The following TRPM5 variants were observed in gnomAD, a reference collection of about 807,000 sequenced individuals.
TRPM5 encodes the protein transient receptor potential cation channel subfamily M member 5.
Under a neutral mutation model 124.9 loss-of-function variants are expected in TRPM5, and 121 were observed. The ratio of observed to expected loss-of-function variants is 0.97; its 90% confidence interval spans 0.84 to 1.13. The LOEUF (loss-of-function observed/expected upper bound fraction) is 1.13, where lower values mean the gene tolerates loss of function less well. TRPM5 is among the 50% of genes most tolerant of loss of function. TRPM5 has a pLI of 0.00. For missense variants in TRPM5, 1,643 were observed against 1,589.1 expected, an observed-to-expected ratio of 1.03 and a Z score of -0.58; for synonymous variants, 781 against 700.5, an observed-to-expected ratio of 1.11 and a Z score of -1.81.
At chr11:2,444,117 C>T in the TRPM5 span, among the ~76,000 whole-genome samples, 1 of 152,150 alleles carries the variant, frequency 6.6e-6, no homozygotes. Flanking sequence ...CCCAGCAGCC[C>T]TGCCGGCTCC....
At chr11:2,431,621 A>G in the TRPM5 span, among the ~76,000 whole-genome samples, 4 of 152,030 alleles carry the variant, frequency 2.6e-5, no homozygotes, top group Non-Finnish European at 5.9e-5. Context: ...TACCCTGACA[A>G]TAAAACCCAA....
intron 12 of TRPM5, 52 bp downstream of exon 17, chr11:2,414,009 G>GACCCC: frequency 2.0e-6 from 2 of 1,023,732 alleles, no homozygotes; most frequent in Non-Finnish European, 1.4e-6. Flanking sequence ...GGCCCAGCTC[G>GACCCC]CCCGCCCACC....
chr11:2,413,587 G>C lies in TRPM5; in HGVS notation c.1892C>G (p.Ala631Gly), dbSNP rs200023984. 2.5e-6 allele frequency: 4 copies of C among 1,612,000 alleles called. 1 individual carries two copies. Among genetic ancestry groups the C allele is most frequent in the Admixed American group, 3.3e-5 (2 of 59,892 alleles). The change falls in exon 13 of 24, where the codon GCC (alanine) becomes GGC (glycine). Residue 631 changes from alanine (A) to glycine (G), a missense_variant and splice_region_variant. By Grantham distance (60) the Ala-to-Gly change is moderately conservative (BLOSUM62 0). Transcript: ENST00000155858. ...CCCCCACCAGATCCTGGTCAGGAAG[G>C]CCTGAGGTGAAGGCAAAACTGTCGG...
At chr11:2,443,939 C>T in the TRPM5 span, among the ~76,000 whole-genome samples, 3 of 151,900 alleles carry the variant, frequency 2.0e-5, no homozygotes, top group Non-Finnish European at 4.4e-5. The surrounding 1 kb of genome is among the most constrained non-coding windows in gnomAD (Gnocchi z 5.0). Context: ...CCAGGGGAAT[C>T]CACGGGGCGC....
chr11:2,410,573 A>C (rs1358816822), intron 18 of TRPM5: 1 of 356,594 alleles, frequency 2.8e-6, no homozygotes, highest in African/African-American at 2.2e-5. Context: ...CAGCCATCCC[A>C]GGGGCCTGCA....
upstream of TRPM5, among the ~76,000 whole-genome samples, chr11:2,426,292 G>C (rs1024295794): frequency 6.6e-6 from 1 of 152,140 alleles, no homozygotes; most frequent in Non-Finnish European, 1.5e-5. Flanking sequence ...GCCCAGGCTC[G>C]GTGCCCCCCG....
At chr11:2,420,143 A>G in intron 4 of TRPM5, 79 bp downstream of exon 9, 1 of 1,481,996 alleles carries the variant, frequency 6.7e-7, no homozygotes, top group South Asian at 1.3e-5. Flanking sequence ...CCTGGCGGTC[A>G]CCCCCACTCT....
intron 12 of TRPM5, 73 bp from the exon 18 acceptor site, chr11:2,413,661 C>T (rs1850502252): frequency 2.5e-5 from 35 of 1,421,924 alleles, no homozygotes; most frequent in Non-Finnish European, 3.4e-5. Context: ...CAGGAATGCC[C>T]TTCCCCCAGG....
chr11:2,408,859 G>A (rs1850381393), intron 18 of TRPM5, among the ~76,000 whole-genome samples: 1 of 152,222 alleles, frequency 6.6e-6, no homozygotes, highest in Admixed American at 6.5e-5. Context: ...CAGCCTGCAC[G>A]CTGGCGTGTG....
chr11:2,407,754 G>A lies in TRPM5; in HGVS notation c.2936+5C>T. On this transcript the variant is annotated splice_donor_5th_base_variant and intron_variant, in intron 19 of 23. Coordinates refer to ENST00000155858, the Ensembl canonical transcript of TRPM5. ...CTCTCTCCTCCAGGGGTTGGGTGGA[G>A]TCACCTGAACATGGCGATGAGCAGG... 6.2e-7 allele frequency: 1 copy of A among 1,613,286 alleles called. No homozygotes were observed. The highest frequency in any genetic ancestry group is 8.5e-7 in the Non-Finnish European group (1 of 1,179,798).
intron 23 of TRPM5, 64 bp downstream of exon 28, chr11:2,405,463 C>T (rs1850296614): frequency 5.3e-6 from 8 of 1,497,652 alleles, no homozygotes; most frequent in Non-Finnish European, 5.4e-6. Flanking sequence ...GCCTACGGCC[C>T]CCCAGCCGCT....
exon 4 of TRPM5, chr11:2,420,388 G>A: frequency 6.2e-7 from 1 of 1,611,292 alleles, no homozygotes; most frequent in Middle Eastern, 1.7e-4. Flanking sequence ...CCTCAGGGTA[G>A]TGGACAGGAA....
At position 2,414,892 on chromosome 11, in the gene TRPM5, G is replaced by A. The variant is rs746742097; in HGVS notation, c.1620+15C>T. Reference sequence around the variant, plus strand: ...CCTCCCCTGCCCCCGCGCTGGGCCCGCGGCCTGGGCTCACCATGGCCCAGA... The same window carrying A: ...CCTCCCCTGCCCCCGCGCTGGGCCCACGGCCTGGGCTCACCATGGCCCAGA... On this transcript the variant is annotated intron_variant, in intron 10 of 23. Coordinates refer to ENST00000155858, the Ensembl canonical transcript of TRPM5. The A allele has an allele frequency of 1.0e-5, 16 of 1,598,440 alleles. No homozygotes were observed. The highest frequency in any genetic ancestry group is 3.4e-5 in the South Asian group (3 of 89,186).
the TRPM5 span, among the ~76,000 whole-genome samples, chr11:2,442,403 ACACACACACAC>A: frequency 6.7e-6 from 1 of 148,620 alleles, no homozygotes; most frequent in African/African-American, 2.6e-5. This position sits in a 1 kb window ranked among gnomAD's most constrained non-coding sequence, Gnocchi z 5.9. Context: ...ACACACACAC[ACACACACACAC>A]ACACACAGAG....
chr11:2,431,373 C>T, the TRPM5 span, among the ~76,000 whole-genome samples: 56 of 152,308 alleles, frequency 3.7e-4, no homozygotes, highest in Admixed American at 1.4e-3. Flanking sequence ...CTCCTCTAGC[C>T]TGTGTCGTTG....
At chr11:2,406,520 G>A in intron 21 of TRPM5, 141 bp downstream of exon 26, 3 of 1,171,710 alleles carry the variant, frequency 2.6e-6, no homozygotes, top group Non-Finnish European at 2.4e-6. Flanking sequence ...GGAAAGCTAG[G>A]CCCCTGGGCT....
chr11:2,422,238 C>G (rs79388781), exon 2 of TRPM5: 19 of 1,612,374 alleles, frequency 1.2e-5, no homozygotes, highest in African/African-American at 1.3e-5. Flanking sequence ...GGGACACCAC[C>G]AGGTTGGGGG....
exon 18 of TRPM5, chr11:2,411,404 G>C: frequency 1.9e-6 from 3 of 1,611,970 alleles, no homozygotes; most frequent in Middle Eastern, 3.3e-4. Context: ...AGGGCCGGTA[G>C]AGCACCCGGC....
chr11:2,415,472 C>T lies in TRPM5; in HGVS notation c.1129-1G>A, dbSNP rs1226685825. 3 of 1,555,842 alleles carry T rather than the reference C, an allele frequency of 1.9e-6. No individual in the cohort carries two copies. The highest frequency in any genetic ancestry group is 1.4e-5 in the African/African-American group (1 of 73,484). On this transcript the variant is annotated splice_acceptor_variant, in intron 8 of 23. Transcript: ENST00000155858. LOFTEE classifies it high-confidence loss of function. ...CCATCACCTCCTCCAGGTCACAGGACTTGGCGGCCATGGGCACCCGAGGGA... is the reference window on the plus strand; with the variant it reads ...CCATCACCTCCTCCAGGTCACAGGATTTGGCGGCCATGGGCACCCGAGGGA...
Sources: allele counts gnomAD v4.1 joint callset (sites outside exome capture counted in the v4.1 genomes callset), GRCh38; gene constraint gnomAD v4.1.1; non-coding constraint Gnocchi (gnomAD v3.1); transcripts MANE v1.5; gene names NCBI Gene and HGNC (gene_info 2026-07-23, HGNC 2026-07-21).